LHFPL3: variants seen among roughly 807,000 people sequenced by gnomAD.
LHFPL3 encodes the protein LHFPL tetraspan subfamily member 3.
LHFPL3 carries 5 observed loss-of-function variants against 19.3 expected under a neutral mutation model. That is an observed-to-expected ratio of 0.26 (90% CI 0.14 to 0.54). LHFPL3 has a LOEUF of 0.54. Among genes scored for constraint, LHFPL3 ranks in the 20% least tolerant of loss-of-function variants. The probability of loss-of-function intolerance (pLI) is 0.94; values close to 1 mark genes in which losing one functional copy is unlikely to be tolerated. For missense variants in LHFPL3, 249 were observed against 307.4 expected (o/e 0.81, Z 1.42); for synonymous variants, 133 against 126.2 (o/e 1.05, Z -0.36).
chr7:104,436,256 G>A (rs1792103469), intron 1 of LHFPL3, among the ~76,000 whole-genome samples: 1 of 152,092 alleles, frequency 6.6e-6, no homozygotes, highest in Non-Finnish European at 1.5e-5. Flanking sequence ...TAAGTGGTTT[G>A]CATTATATTT....
intron 1 of LHFPL3, among the ~76,000 whole-genome samples, chr7:104,409,705 A>G (rs1791496854): frequency 1.3e-5 from 2 of 152,232 alleles, no homozygotes; most frequent in Middle Eastern, 3.2e-3. Context: ...TATTTTATTA[A>G]AAGCTATTTC....
intron 1 of LHFPL3, among the ~76,000 whole-genome samples, chr7:104,720,849 C>T (rs530400871): frequency 3.9e-5 from 6 of 152,240 alleles, no homozygotes; most frequent in South Asian, 4.1e-4. Context: ...TACCATCTTA[C>T]GCCAGTTAGA....
At chr7:104,517,506 CTTT>C (rs34506009) in intron 1 of LHFPL3, among the ~76,000 whole-genome samples, 1 of 129,358 alleles carries the variant, frequency 7.7e-6, no homozygotes. Context: ...ATTGATTGGC[CTTT>C]TTTTTTTTTT....
intron 1 of LHFPL3, among the ~76,000 whole-genome samples, chr7:104,351,121 G>GGAGAATT (rs1402392117): frequency 1.3e-5 from 2 of 151,824 alleles, no homozygotes; most frequent in African/African-American, 4.8e-5. Context: ...AAATGAGAGA[G>GGAGAATT]GAGAATTCCA....
chr7:104,877,276 T>TA (rs60073592), intron 2 of LHFPL3, among the ~76,000 whole-genome samples: 43,149 of 138,366 alleles, frequency 0.31, 6,214 homozygotes, highest in South Asian at 0.39. Context: ...TAAAGTATAA[T>TA]AAAAAAAAAA....
At chr7:104,537,753 C>T (rs143121406) in intron 1 of LHFPL3, among the ~76,000 whole-genome samples, 25 of 152,344 alleles carry the variant, frequency 1.6e-4, no homozygotes, top group African/African-American at 5.8e-4. Flanking sequence ...TCATCAATGA[C>T]AGTGCTTTTG....
At chr7:104,585,869 T>G (rs574354474) in intron 1 of LHFPL3, among the ~76,000 whole-genome samples, 1 of 152,202 alleles carries the variant, frequency 6.6e-6, no homozygotes, top group South Asian at 2.1e-4. Context: ...TCATTTATCT[T>G]TTAAATCTAG....
chr7:104,390,364 T>C (rs1430505244), intron 1 of LHFPL3, among the ~76,000 whole-genome samples: 1 of 144,950 alleles, frequency 6.9e-6, no homozygotes, highest in East Asian at 2.2e-4. Flanking sequence ...CAGGCCCCAG[T>C]GTGTAGTGTT....
intron 2 of LHFPL3, among the ~76,000 whole-genome samples, chr7:104,779,917 T>A (rs1298300256): frequency 6.6e-6 from 1 of 152,204 alleles, no homozygotes. Context: ...TAGTGGGGTT[T>A]TTTTTTTAGC....
chr7:104,754,219 T>G (rs1000538840), intron 2 of LHFPL3, among the ~76,000 whole-genome samples: 1 of 151,932 alleles, frequency 6.6e-6, no homozygotes, highest in Non-Finnish European at 1.5e-5. Flanking sequence ...AAAAACAGAA[T>G]GCTTAATAAA....
At chr7:104,585,291 A>G (rs7805979) in intron 1 of LHFPL3, among the ~76,000 whole-genome samples, 28,589 of 151,916 alleles carry the variant, frequency 0.19, 2,901 homozygotes, top group East Asian at 0.38. Context: ...CCTCCTTATA[A>G]CCAACTATTT....
chr7:104,728,782 A>G (rs1793635857), intron 1 of LHFPL3, among the ~76,000 whole-genome samples: 1 of 152,148 alleles, frequency 6.6e-6, no homozygotes, highest in African/African-American at 2.4e-5. Context: ...TAATAACATA[A>G]ACCATGTCCC....
rs565497982 is a variant in LHFPL3, at chr7:104,431,091, C to T, written c.445+101867C>T. Among the ~76,000 whole-genome samples, 6 of 152,302 alleles carry T rather than the reference C, an allele frequency of 3.9e-5. No individual in the cohort carries two copies. In the East Asian group the frequency reaches 1.2e-3, roughly 29 times the overall value. On this transcript the variant is annotated intron_variant, in intron 1 of 2. Transcript: ENST00000424859. Reference sequence around the variant, plus strand: ...GACTTTCCACAACTCCAATACTTCACCTACTTATTGTTTTTTCTCTCTCTT... The same window carrying T: ...GACTTTCCACAACTCCAATACTTCATCTACTTATTGTTTTTTCTCTCTCTT...
At chr7:104,726,694 G>A (rs757003354) in intron 1 of LHFPL3, among the ~76,000 whole-genome samples, 2 of 152,112 alleles carry the variant, frequency 1.3e-5, no homozygotes, top group Non-Finnish European at 2.9e-5. Context: ...GGTATTCCAT[G>A]GTGTATATGT....
At position 104,772,460 on chromosome 7, in the gene LHFPL3, C is replaced by A. The variant is rs115351215; in HGVS notation, c.682+35549C>A. On this transcript the variant is annotated intron_variant, in intron 2 of 2. Transcript: ENST00000424859. ...CCCTACGGTGTGCTCAGACAATGGG[C>A]TCCGACTGCCTCCTCCACCAGCCCT... Among the ~76,000 whole-genome samples the A allele has an allele frequency of 5.2e-3, 796 of 152,280 alleles. 4 individuals carry two copies. The highest frequency in any genetic ancestry group is 0.018 in the African/African-American group (750 of 41,560).
At chr7:104,674,750 T>C (rs1213478171) in intron 1 of LHFPL3, among the ~76,000 whole-genome samples, 1 of 152,232 alleles carries the variant, frequency 6.6e-6, no homozygotes, top group Non-Finnish European at 1.5e-5. Flanking sequence ...GAAACTGTAG[T>C]ATTTCTATAC....
chr7:104,390,869 C>T (rs1406238092), intron 1 of LHFPL3, among the ~76,000 whole-genome samples: 17 of 152,246 alleles, frequency 1.1e-4, no homozygotes, highest in African/African-American at 2.9e-4. Context: ...TTTTAATGAT[C>T]GCCATTCTAA....
chr7:104,452,455 C>T (rs1041892839), intron 1 of LHFPL3, among the ~76,000 whole-genome samples: 5 of 151,968 alleles, frequency 3.3e-5, no homozygotes, highest in African/African-American at 1.2e-4. Context: ...GTTTCTGGGT[C>T]CAAGGGCTTG....
At chr7:104,842,695 T>A (rs987106175) in intron 2 of LHFPL3, among the ~76,000 whole-genome samples, 9 of 152,358 alleles carry the variant, frequency 5.9e-5, no homozygotes, top group East Asian at 5.8e-4. Flanking sequence ...CAAAGCAAGA[T>A]AATGACTTAT....
Sources: gnomAD v4.1 joint callset for allele counts (sites outside exome capture counted in the v4.1 genomes callset) on GRCh38, gnomAD v4.1.1 for gene constraint, MANE v1.5 for transcripts, NCBI Gene and HGNC (gene_info 2026-07-23, HGNC 2026-07-21) for gene names.